The following SUGCT variants were observed in gnomAD, a reference collection of about 807,000 sequenced individuals.
The protein encoded by SUGCT is succinyl-CoA:glutarate CoA-transferase.
Under a neutral mutation model 55.0 loss-of-function variants are expected in SUGCT, and 41 were observed. The observed-to-expected ratio is 0.74, with a 90% CI of 0.58 to 0.97. The LOEUF is 0.97. SUGCT is among the 50% of genes least tolerant of loss of function. SUGCT has a pLI of 0.00. For missense variants in SUGCT, 568 were observed against 547.8 expected, an observed-to-expected ratio of 1.04 and a Z score of -0.37; for synonymous variants, 187 against 200.4, an observed-to-expected ratio of 0.93 and a Z score of 0.56.
chr7:40,279,863 A>T (rs1305143130), intron 8 of SUGCT, among the ~76,000 whole-genome samples: 1 of 152,194 alleles, frequency 6.6e-6, no homozygotes, highest in Non-Finnish European at 1.5e-5. Flanking sequence ...TAAAAAAAGT[A>T]TTCTTTTTAA....
chr7:40,258,695 A>C (rs1053724575), intron 7 of SUGCT, among the ~76,000 whole-genome samples: 3 of 152,188 alleles, frequency 2.0e-5, no homozygotes, highest in Non-Finnish European at 4.4e-5. Flanking sequence ...ATGTTTTTTC[A>C]CTGGTAATTG....
chr7:40,364,318 A>G (rs1783809423), intron 9 of SUGCT, among the ~76,000 whole-genome samples: 1 of 151,612 alleles, frequency 6.6e-6, no homozygotes, highest in Non-Finnish European at 1.5e-5. Context: ...ATTTACATTT[A>G]AAGTTAATAT....
At chr7:41,007,823 CAAAAAAA>C in the SUGCT span, among the ~76,000 whole-genome samples, 2 of 104,296 alleles carry the variant, frequency 1.9e-5, no homozygotes, top group South Asian at 3.8e-4. Flanking sequence ...AACTGAAATC[CAAAAAAA>C]AAAAAAAAAA....
chr7:40,348,519 A>T (rs1450534989), intron 9 of SUGCT, among the ~76,000 whole-genome samples: 2 of 152,172 alleles, frequency 1.3e-5, no homozygotes, highest in Non-Finnish European at 2.9e-5. Flanking sequence ...TCCATCCATG[A>T]CAGGAGCTGG....
chr7:40,296,611 T>TTGTGTG, intron 8 of SUGCT, among the ~76,000 whole-genome samples: 1 of 103,238 alleles, frequency 9.7e-6, no homozygotes, highest in Non-Finnish European at 2.0e-5. Flanking sequence ...AGTGAGTGAC[T>TTGTGTG]CGTGTGTGTG....
At chr7:41,036,545 C>T in the SUGCT span, among the ~76,000 whole-genome samples, 1 of 152,116 alleles carries the variant, frequency 6.6e-6, no homozygotes, top group Non-Finnish European at 1.5e-5. Context: ...CCTCCACTCC[C>T]TTGACTGTCT....
chr7:40,458,969 C>T (rs1013226175), intron 10 of SUGCT, 132 bp from the exon 11 acceptor site: 2 of 614,052 alleles, frequency 3.3e-6, no homozygotes, highest in Admixed American at 2.6e-5. Context: ...CTCCATATGT[C>T]CTTGTTGAGG....
At chr7:40,344,039 A>G (rs1797189600) in intron 9 of SUGCT, among the ~76,000 whole-genome samples, 1 of 152,070 alleles carries the variant, frequency 6.6e-6, no homozygotes, top group Non-Finnish European at 1.5e-5. Flanking sequence ...TATTCAACAT[A>G]CTTTTGTATT....
At chr7:40,469,353 G>A (rs375753207) in intron 11 of SUGCT, among the ~76,000 whole-genome samples, 29 of 152,302 alleles carry the variant, frequency 1.9e-4, no homozygotes, top group African/African-American at 5.8e-4. Flanking sequence ...TCTGATGTTT[G>A]GTGAGGGTCA....
chr7:40,359,727 T>A (rs1228689522), intron 9 of SUGCT, among the ~76,000 whole-genome samples: 2 of 152,190 alleles, frequency 1.3e-5, no homozygotes, highest in Non-Finnish European at 2.9e-5. Flanking sequence ...CCTGAGAAGT[T>A]GTAATATGAT....
intron 9 of SUGCT, among the ~76,000 whole-genome samples, chr7:40,403,187 A>G (rs900935900): frequency 2.4e-4 from 36 of 152,086 alleles, no homozygotes; most frequent in African/African-American, 8.2e-4. Flanking sequence ...GTCATTTTCC[A>G]TGATTTTATT....
chr7:40,162,315 G>A (rs1784208418), intron 1 of SUGCT, among the ~76,000 whole-genome samples: 1 of 152,198 alleles, frequency 6.6e-6, no homozygotes, highest in East Asian at 1.9e-4. Context: ...GTGAGAATAA[G>A]ATCTGGGATA....
At chr7:40,331,605 A>ATTG (rs781194193) in intron 9 of SUGCT, among the ~76,000 whole-genome samples, 4 of 149,044 alleles carry the variant, frequency 2.7e-5, no homozygotes, top group Non-Finnish European at 6.0e-5. Flanking sequence ...GCCTGCTGCT[A>ATTG]TCTTTATCTC....
chr7:40,229,430 A>G (rs147062670), intron 6 of SUGCT, among the ~76,000 whole-genome samples: 1,795 of 151,692 alleles, frequency 0.012, 37 homozygotes, highest in African/African-American at 0.041. Flanking sequence ...GAGGCAGGAG[A>G]ATGGCTTCAA....
chr7:40,398,138 C>T (rs138449949), intron 9 of SUGCT, among the ~76,000 whole-genome samples: 78 of 152,274 alleles, frequency 5.1e-4, no homozygotes, highest in Admixed American at 1.4e-3. Flanking sequence ...TGTCATCAAG[C>T]TGGAGTGCAG....
At chr7:40,844,786 C>A (rs1172040641) in intron 13 of SUGCT, among the ~76,000 whole-genome samples, 1 of 152,186 alleles carries the variant, frequency 6.6e-6, no homozygotes, top group Non-Finnish European at 1.5e-5. Context: ...TCACAGAAAT[C>A]CAGCAAGAGA....
intron 7 of SUGCT, among the ~76,000 whole-genome samples, chr7:40,255,020 A>G (rs890045751): frequency 6.0e-5 from 9 of 151,188 alleles, no homozygotes; most frequent in Non-Finnish European, 1.5e-5. Context: ...TGAGGTCGGG[A>G]GTTCGAGACC....
chr7:40,444,357 G>A (rs185283252), intron 9 of SUGCT, among the ~76,000 whole-genome samples: 405 of 152,162 alleles, frequency 2.7e-3, no homozygotes, highest in Middle Eastern at 0.017. Flanking sequence ...ATCCATGAGC[G>A]TGGAATGTTC....
chr7:40,721,731 A>G (rs1437321275), intron 12 of SUGCT, among the ~76,000 whole-genome samples: 1 of 152,218 alleles, frequency 6.6e-6, no homozygotes, highest in Admixed American at 6.5e-5. Flanking sequence ...TAGGATGGAC[A>G]TTCTTTGCCT....
Sources: allele counts gnomAD v4.1 joint callset (sites outside exome capture counted in the v4.1 genomes callset), GRCh38; gene constraint gnomAD v4.1.1; transcripts MANE v1.5; gene names NCBI Gene and HGNC (gene_info 2026-07-23, HGNC 2026-07-21).